The following SH3PXD2A variants were observed in gnomAD, a reference collection of about 807,000 sequenced individuals.
The protein encoded by SH3PXD2A is SH3 and PX domain-containing protein 2A.
SH3PXD2A carries 32 observed loss-of-function variants against 115.2 expected under a neutral mutation model. The observed-to-expected ratio is 0.28, with a 90% CI of 0.21 to 0.37. The LOEUF (loss-of-function observed/expected upper bound fraction) is 0.37. SH3PXD2A is among the 10% of genes least tolerant of loss of function. SH3PXD2A has a pLI of 1.00. For missense variants in SH3PXD2A, 1,328 were observed against 1,498.7 expected, an observed-to-expected ratio of 0.89 and a Z score of 1.88; for synonymous variants, 610 against 629.1, an observed-to-expected ratio of 0.97 and a Z score of 0.45.
intron 6 of SH3PXD2A, among the ~76,000 whole-genome samples, chr10:103,691,801 C>T (rs1311651327): frequency 5.3e-5 from 8 of 152,098 alleles, no homozygotes; most frequent in African/African-American, 1.9e-4. Flanking sequence ...CCTCACAGCA[C>T]ACAGCTATCA....
At chr10:103,652,164 T>C (rs1177720259) in intron 8 of SH3PXD2A, among the ~76,000 whole-genome samples, 1 of 152,176 alleles carries the variant, frequency 6.6e-6, no homozygotes, top group East Asian at 1.9e-4. Flanking sequence ...AAGGGGAGTG[T>C]GGAGCTGGGG....
intron 6 of SH3PXD2A, among the ~76,000 whole-genome samples, chr10:103,676,035 G>A (rs1237334074): frequency 1.3e-5 from 2 of 151,578 alleles, no homozygotes; most frequent in African/African-American, 2.4e-5. Flanking sequence ...GCGAAACTCC[G>A]TCTCGGGGGA....
In SH3PXD2A at chr10:103,602,046, C is replaced by T. The variant is rs1343844629; in HGVS notation, c.3172G>A (p.Val1058Met). 5 of 1,609,834 alleles carry T rather than the reference C, an allele frequency of 3.1e-6. No homozygotes were observed. The East Asian group carries it at 1.1e-4, about 36-fold the overall frequency. ...AQRNSIPVSP[V>M]RPKPIEKSQF... is the part of the protein sequence containing the mutation. ...GACTTCTCGATGGGCTTGGGGCGCA[C>T]AGGGGACACGGGTATGCTGTTGCGC... Residue 1058 changes from valine (V) to methionine (M), a missense_variant, in exon 15 of 15, where the codon GTG (valine) becomes ATG (methionine). Coordinates refer to ENST00000369774, the MANE Select transcript of SH3PXD2A (RefSeq NM_001394015.1).
chr10:103,758,370 T>G (rs886576604), intron 3 of SH3PXD2A, among the ~76,000 whole-genome samples: 3 of 152,240 alleles, frequency 2.0e-5, no homozygotes, highest in Non-Finnish European at 2.9e-5. Flanking sequence ...AGAAGCCCTT[T>G]GTGACCATCT....
At chr10:103,810,907 G>GAC (rs548053813) in intron 1 of SH3PXD2A, among the ~76,000 whole-genome samples, 268 of 24,712 alleles carry the variant, frequency 0.011, 3 homozygotes, top group Middle Eastern at 0.025. Context: ...CAGAAACATG[G>GAC]ACACACACAC....
chr10:103,674,566 A>C (rs1049789279), intron 6 of SH3PXD2A, among the ~76,000 whole-genome samples: 1 of 152,214 alleles, frequency 6.6e-6, no homozygotes, highest in African/African-American at 2.4e-5. Flanking sequence ...TCACGCCTGT[A>C]ATCCTAGTGC....
Position 103,602,346 on chromosome 10 carries a change from C to T in SH3PXD2A, c.2872G>A (p.Gly958Ser), listed in dbSNP as rs142016930. The T allele has an allele frequency of 1.8e-4, 292 of 1,613,494 alleles. 3 individuals carry two copies. The African/African-American group carries it at 2.8e-3, about 15-fold the overall frequency. Residue 958 changes from glycine (G) to serine (S), a missense_variant, in exon 15 of 15, where the codon GGC becomes AGC. Physicochemically the swap from Gly to Ser is moderately conservative, Grantham distance 56. This residue lies in a region of SH3PXD2A where 574 missense variants were observed against 565.7 expected (regional missense o/e 1.01). Transcript: ENST00000369774. ...PIPSKPPGGF[G>S]KTSGTPAVKM... The stretch of plus-strand genomic sequence containing the variant: ...ACCGCTGGAGTGCCTGAGGTCTTGC[C>T]GAAGCCCCCGGGAGGTTTGGAGGGG...
At chr10:103,764,448 G>A (rs1244741992) in intron 3 of SH3PXD2A, among the ~76,000 whole-genome samples, 2 of 152,150 alleles carry the variant, frequency 1.3e-5, no homozygotes, top group African/African-American at 2.4e-5. Flanking sequence ...CCAGGAAAAA[G>A]AAGGGCACAG....
chr10:103,710,454 A>G (rs1294101711), intron 5 of SH3PXD2A, among the ~76,000 whole-genome samples: 1 of 152,218 alleles, frequency 6.6e-6, no homozygotes, highest in Non-Finnish European at 1.5e-5. Context: ...TTGAGCTATT[A>G]TTAGCTTTCT....
chr10:103,811,998 A>G (rs1053937396), intron 1 of SH3PXD2A, among the ~76,000 whole-genome samples: 7 of 152,208 alleles, frequency 4.6e-5, no homozygotes, highest in African/African-American at 1.4e-4. Context: ...AGTCTTTTGC[A>G]CTTATGAATT....
intron 2 of SH3PXD2A, among the ~76,000 whole-genome samples, chr10:103,801,024 C>G (rs2039141636): frequency 6.6e-6 from 1 of 152,218 alleles, no homozygotes. Context: ...GTTTCCTACC[C>G]TGCAGGCAAG....
At chr10:103,836,682 T>TGTAC (rs113357317) in intron 1 of SH3PXD2A, among the ~76,000 whole-genome samples, 1 of 148,782 alleles carries the variant, frequency 6.7e-6, no homozygotes, top group Non-Finnish European at 1.5e-5. Context: ...CACAGACATG[T>TGTAC]ACACACACAC....
chr10:103,850,910 C>T (rs1488890063), intron 1 of SH3PXD2A, among the ~76,000 whole-genome samples: 1 of 152,128 alleles, frequency 6.6e-6, no homozygotes, highest in African/African-American at 2.4e-5. Flanking sequence ...GTAGACACTA[C>T]CCCAAATTAT....
At chr10:103,776,809 C>T (rs548194109) in intron 2 of SH3PXD2A, among the ~76,000 whole-genome samples, 4 of 152,168 alleles carry the variant, frequency 2.6e-5, no homozygotes, top group Admixed American at 6.5e-5. Flanking sequence ...ACCCTACTCC[C>T]GGATGATCTC....
chr10:103,718,662 T>C (rs2038137700), intron 5 of SH3PXD2A, among the ~76,000 whole-genome samples: 1 of 152,002 alleles, frequency 6.6e-6, no homozygotes. Context: ...TAAATGAATA[T>C]TTAAATAAGC....
chr10:103,614,625 G>C (rs1453188913), intron 11 of SH3PXD2A, among the ~76,000 whole-genome samples: 3 of 152,104 alleles, frequency 2.0e-5, no homozygotes, highest in Non-Finnish European at 4.4e-5. Flanking sequence ...CCAAACCCAT[G>C]GGGACTTCAC....
chr10:103,613,341 C>T, intron 11 of SH3PXD2A, 151 bp from the exon 12 acceptor site: 1 of 573,962 alleles, frequency 1.7e-6, no homozygotes, highest in Non-Finnish European at 2.9e-6. Context: ...AGAGAAATGG[C>T]ACCGAGGGTA....
intron 5 of SH3PXD2A, among the ~76,000 whole-genome samples, chr10:103,720,563 AC>A (rs1365270646): frequency 2.0e-5 from 3 of 152,236 alleles, no homozygotes; most frequent in African/African-American, 7.2e-5. Flanking sequence ...CTGCAGCAGC[AC>A]ACTTGAAAGA....
intron 11 of SH3PXD2A, among the ~76,000 whole-genome samples, chr10:103,616,964 G>A (rs1409202523): frequency 3.9e-5 from 6 of 152,288 alleles, no homozygotes; most frequent in Admixed American, 2.6e-4. Flanking sequence ...GGGCCTCTGT[G>A]CCCCGCTGGC....
Sources: allele counts gnomAD v4.1 joint callset (sites outside exome capture counted in the v4.1 genomes callset), GRCh38; gene constraint gnomAD v4.1.1; regional missense constraint gnomAD v4.1.1; transcripts MANE v1.5; gene names NCBI Gene and HGNC (gene_info 2026-07-23, HGNC 2026-07-21).